ADAMTSL1: variants seen among roughly 807,000 people sequenced by gnomAD.
The protein encoded by ADAMTSL1 is ADAMTS like 1.
Under a neutral mutation model 201.8 loss-of-function variants are expected in ADAMTSL1, and 126 were observed. The observed-to-expected ratio is 0.62, with a 90% CI of 0.54 to 0.72. The LOEUF is 0.72. ADAMTSL1 is among the 30% of genes least tolerant of loss of function. The pLI is 0.00. For synonymous variants in ADAMTSL1, 1,121 were observed against 903.4 expected, an observed-to-expected ratio of 1.24 and a Z score of -4.32; for missense variants, 2,679 against 2,277.8, an observed-to-expected ratio of 1.18 and a Z score of -3.59.
chr9:18,658,234 A>G (rs1382240240), intron 8 of ADAMTSL1, among the ~76,000 whole-genome samples: 2 of 152,144 alleles, frequency 1.3e-5, no homozygotes, highest in South Asian at 2.1e-4. Context: ...TCGGCCTCCC[A>G]AAGTGCTGGG....
chr9:18,477,894 G>C (rs541966049), intron 1 of ADAMTSL1, among the ~76,000 whole-genome samples: 2 of 152,284 alleles, frequency 1.3e-5, no homozygotes, highest in African/African-American at 4.8e-5. Flanking sequence ...TGAGGGAAGA[G>C]TGTCCAATAG....
In ADAMTSL1 at chr9:18,474,230, A is replaced by G. The variant is rs770065912; in HGVS notation, c.-3A>G. The G allele has an allele frequency of 1.8e-5, 29 of 1,614,012 alleles. No individual in the cohort carries two copies. The Admixed American group carries it at 4.3e-4, about 24-fold the overall frequency. ...CGATTCTGATTCCGGCAAGGATCCA[A>G]GCATGGAATGCTGCCGTCGGGCAAC... On this transcript the variant is annotated 5_prime_UTR_variant, in exon 1 of 29. Transcript: ENST00000380548.
chr9:18,242,254 T>TA (rs1831098755), intron 2 of ADAMTSL1, among the ~76,000 whole-genome samples: 1 of 152,088 alleles, frequency 6.6e-6, no homozygotes. Context: ...AATGAGAGAT[T>TA]AAAAACCACA....
chr9:18,533,936 A>G (rs909162277), intron 3 of ADAMTSL1, among the ~76,000 whole-genome samples: 1 of 152,226 alleles, frequency 6.6e-6, no homozygotes, highest in African/African-American at 2.4e-5. Flanking sequence ...ACTAGCCCAT[A>G]TTGGATTTGA....
chr9:17,982,943 T>C (rs1818770297), intron 1 of ADAMTSL1, among the ~76,000 whole-genome samples: 1 of 151,774 alleles, frequency 6.6e-6, no homozygotes, highest in South Asian at 2.1e-4. Flanking sequence ...TATGAACAGC[T>C]TGGAAAAAAA....
rs776052560 is a variant in ADAMTSL1 at position 18,777,211 on chromosome 9, C to T, written c.2982C>T (p.Thr994=). 2 of 1,612,838 alleles carry T rather than the reference C, an allele frequency of 1.2e-6. No individual in the cohort carries two copies. Among genetic ancestry groups the T allele is most frequent in the East Asian group, 4.5e-5 (2 of 44,862 alleles). The part of the protein sequence containing the change: ...RKGGPKEALQ[T]HKHQNGIFSN... ...GCGGCCCGAAGGAGGCCCTGCAGACCCACAAACACCAGAACGGGATCTTCT... is the reference window on the plus strand; with the variant it reads ...GCGGCCCGAAGGAGGCCCTGCAGACTCACAAACACCAGAACGGGATCTTCT... The change falls in exon 19 of 29, where the codon ACC becomes ACT. Residue 994 remains threonine (T), a synonymous_variant. Coordinates refer to ENST00000380548, the MANE Select transcript of ADAMTSL1 (RefSeq NM_001040272.6).
chr9:18,179,958 C>A (rs968689356), intron 2 of ADAMTSL1, among the ~76,000 whole-genome samples: 1 of 151,970 alleles, frequency 6.6e-6, no homozygotes, highest in African/African-American at 2.4e-5. Flanking sequence ...TAGGAAGAAA[C>A]TGCATCAACT....
At chr9:18,101,977 C>A (rs1170494375) in intron 1 of ADAMTSL1, among the ~76,000 whole-genome samples, 3 of 152,130 alleles carry the variant, frequency 2.0e-5, no homozygotes, top group Non-Finnish European at 4.4e-5. Flanking sequence ...TTACTGTATT[C>A]AGGGCAAGGA....
At chr9:17,932,779 C>T (rs888655204) in intron 1 of ADAMTSL1, among the ~76,000 whole-genome samples, 4 of 152,122 alleles carry the variant, frequency 2.6e-5, no homozygotes, top group Non-Finnish European at 5.9e-5. Flanking sequence ...AGACTATTCT[C>T]CATGTTGTCC....
intron 1 of ADAMTSL1, among the ~76,000 whole-genome samples, chr9:18,113,790 TA>T (rs1382521247): frequency 6.6e-6 from 1 of 152,106 alleles, no homozygotes; most frequent in Admixed American, 6.6e-5. Flanking sequence ...ATATTGATAT[TA>T]AAGTATGAAG....
intron 2 of ADAMTSL1, among the ~76,000 whole-genome samples, chr9:18,505,749 G>C (rs576258169): frequency 6.6e-6 from 1 of 152,316 alleles, no homozygotes; most frequent in South Asian, 2.1e-4. Context: ...TAGGAGGTTT[G>C]CTCAAAATTA....
At chr9:18,085,817 G>C (rs1823745191) in intron 1 of ADAMTSL1, among the ~76,000 whole-genome samples, 1 of 151,410 alleles carries the variant, frequency 6.6e-6, no homozygotes, top group Non-Finnish European at 1.5e-5. Flanking sequence ...TAGCTGGTTG[G>C]CACTTGGAAG....
intron 15 of ADAMTSL1, among the ~76,000 whole-genome samples, chr9:18,751,759 A>C (rs962499634): frequency 3.9e-5 from 6 of 152,350 alleles, no homozygotes; most frequent in Admixed American, 6.5e-5. Flanking sequence ...TTAAATATGG[A>C]TTATATTTGG....
At chr9:18,260,039 T>A (rs916126628) in intron 2 of ADAMTSL1, among the ~76,000 whole-genome samples, 11 of 152,212 alleles carry the variant, frequency 7.2e-5, no homozygotes, top group Non-Finnish European at 1.5e-4. Flanking sequence ...TTGAGAAAAC[T>A]GAGGCTGGCA....
Position 18,625,482 on chromosome 9 carries a change from T to C in ADAMTSL1, c.601+3113T>C, listed in dbSNP as rs80155864. ...CTAATACAAATACAGACAATGGAAATAGAGCAAGATCAAAGTACTCTTTCT... is the reference window on the plus strand; with the variant it reads ...CTAATACAAATACAGACAATGGAAACAGAGCAAGATCAAAGTACTCTTTCT... On this transcript the variant is annotated intron_variant, in intron 5 of 28. Transcript: ENST00000380548. 6.0e-3 allele frequency among the ~76,000 whole-genome samples: 918 copies of C among 152,190 alleles called. 51 individuals carry two copies. The East Asian group carries it at 0.13, about 22-fold the overall frequency.
chr9:18,340,503 GT>G (rs1835424867), intron 2 of ADAMTSL1, among the ~76,000 whole-genome samples: 2 of 151,976 alleles, frequency 1.3e-5, no homozygotes, highest in Non-Finnish European at 2.9e-5. Context: ...CTCTTCCTTT[GT>G]TTCCTGTGAC....
intron 1 of ADAMTSL1, among the ~76,000 whole-genome samples, chr9:18,013,802 G>C (rs1439931947): frequency 1.3e-5 from 2 of 152,026 alleles, no homozygotes; most frequent in African/African-American, 4.8e-5. Context: ...GCATGGTACT[G>C]ATTTCTAGGG....
intron 2 of ADAMTSL1, among the ~76,000 whole-genome samples, chr9:18,438,833 G>A (rs964039932): frequency 6.6e-6 from 1 of 152,080 alleles, no homozygotes; most frequent in Non-Finnish European, 1.5e-5. Flanking sequence ...AAAATGGAGA[G>A]GCTCATTGCA....
chr9:18,415,212 C>T (rs961508233), intron 2 of ADAMTSL1, among the ~76,000 whole-genome samples: 11 of 152,030 alleles, frequency 7.2e-5, no homozygotes, highest in African/African-American at 1.9e-4. Context: ...AAATATAACC[C>T]GTAAAAAAGG....
Sources: gnomAD v4.1 joint callset for allele counts (sites outside exome capture counted in the v4.1 genomes callset) on GRCh38, gnomAD v4.1.1 for gene constraint, MANE v1.5 for transcripts, NCBI Gene and HGNC (gene_info 2026-07-23, HGNC 2026-07-21) for gene names.